The following ADCY9 variants were observed in gnomAD, a reference collection of about 807,000 sequenced individuals.
ADCY9 encodes adenylate cyclase 9, also known as adenylate cyclase type 9.
In ADCY9, 50 loss-of-function variants were observed where a neutral mutation model predicts 101.5. That is an observed-to-expected ratio of 0.49 (90% CI 0.39 to 0.62). The LOEUF (loss-of-function observed/expected upper bound fraction) is 0.62, where lower values mean the gene tolerates loss of function less well. Among genes scored for constraint, ADCY9 ranks in the 20% least tolerant of loss-of-function variants. The pLI is 0.00. For missense variants in ADCY9, 1,662 were observed against 1,800.4 expected, an observed-to-expected ratio of 0.92 and a Z score of 1.39; for synonymous variants, 905 against 769.3, an observed-to-expected ratio of 1.18 and a Z score of -2.92.
intron 2 of ADCY9, among the ~76,000 whole-genome samples, chr16:4,050,612 G>C (rs1230188935): frequency 6.7e-6 from 1 of 149,848 alleles, no homozygotes; most frequent in Non-Finnish European, 1.5e-5. Context: ...TACTAGGGAG[G>C]CTGAGGCAGG....
intron 2 of ADCY9, among the ~76,000 whole-genome samples, chr16:4,103,665 A>T (rs975403059): frequency 6.6e-6 from 1 of 152,132 alleles, no homozygotes; most frequent in Non-Finnish European, 1.5e-5. Flanking sequence ...CCCCGTCTCT[A>T]CCATAAAGAC....
At chr16:4,061,163 A>T (rs2141160529) in intron 2 of ADCY9, among the ~76,000 whole-genome samples, 1 of 152,168 alleles carries the variant, frequency 6.6e-6, no homozygotes, top group East Asian at 1.9e-4. Context: ...ATCCAATCTG[A>T]AGAAGAAATA....
chr16:4,044,631 A>C (rs1046562013), intron 2 of ADCY9, among the ~76,000 whole-genome samples: 2 of 152,174 alleles, frequency 1.3e-5, no homozygotes, highest in African/African-American at 4.8e-5. Context: ...GAGCCACTTT[A>C]ATGTATATCA....
chr16:4,005,552 A>C (rs1196024539), intron 3 of ADCY9, among the ~76,000 whole-genome samples: 1 of 152,188 alleles, frequency 6.6e-6, no homozygotes, highest in Non-Finnish European at 1.5e-5. Flanking sequence ...ATAGATCACA[A>C]GATTCTCAGA....
intron 7 of ADCY9, among the ~76,000 whole-genome samples, chr16:3,979,864 C>T (rs949961650): frequency 3.3e-5 from 5 of 152,254 alleles, no homozygotes; most frequent in African/African-American, 1.2e-4. Flanking sequence ...CATCTTAGCC[C>T]AGAGGCTGTG....
rs868140849 is a variant in ADCY9, at chr16:4,045,875, T to C, written c.1694-38317A>G. ...CACCATGCTTTTTTTCTTTCTTTTT[T>C]TTTTTTTTTTTTTTTGTAGAGATGA... is the stretch of plus-strand genomic sequence containing the variant. On this transcript the variant is annotated intron_variant, in intron 2 of 10. Coordinates refer to ENST00000294016, the MANE Select transcript of ADCY9 (RefSeq NM_001116.4). Among the ~76,000 whole-genome samples, 160 of 127,270 alleles carry C rather than the reference T, an allele frequency of 1.3e-3. 1 individual carries two copies. The highest frequency in any genetic ancestry group is 8.8e-3 in the South Asian group (38 of 4,342). 83.5% of individuals were successfully genotyped at this position (127,270 alleles called of 152,430 possible).
At chr16:4,000,676 G>A (rs1213385797) in intron 3 of ADCY9, among the ~76,000 whole-genome samples, 1 of 151,868 alleles carries the variant, frequency 6.6e-6, no homozygotes, top group Non-Finnish European at 1.5e-5. Flanking sequence ...CAATCTCAGA[G>A]CCACACGGGG....
At chr16:4,112,323 C>T (rs1337567107) in intron 2 of ADCY9, among the ~76,000 whole-genome samples, 1 of 152,166 alleles carries the variant, frequency 6.6e-6, no homozygotes, top group African/African-American at 2.4e-5. Flanking sequence ...GGGGAATTCT[C>T]GGGTGAAAAT....
chr16:4,035,310 T>G (rs1019030891), intron 2 of ADCY9, among the ~76,000 whole-genome samples: 1 of 152,232 alleles, frequency 6.6e-6, no homozygotes, highest in Non-Finnish European at 1.5e-5. Flanking sequence ...ACTTATGCAT[T>G]GCAGAACTGC....
At chr16:3,983,484 G>A (rs2056163895) in intron 6 of ADCY9, 44 bp from the exon 7 acceptor site, 1 of 1,504,580 alleles carries the variant, frequency 6.6e-7, no homozygotes, top group East Asian at 2.4e-5. Context: ...GAGGCCATGG[G>A]CGGCCAGGAG....
At chr16:4,040,813 C>G (rs908142755) in intron 2 of ADCY9, among the ~76,000 whole-genome samples, 1 of 152,138 alleles carries the variant, frequency 6.6e-6, no homozygotes, top group Non-Finnish European at 1.5e-5. Context: ...AATAAAGTAT[C>G]TACACGAGTC....
At chr16:4,105,043 T>C (rs541973688) in intron 2 of ADCY9, among the ~76,000 whole-genome samples, 1 of 128,078 alleles carries the variant, frequency 7.8e-6, no homozygotes, top group African/African-American at 3.0e-5. Flanking sequence ...CACTCCAATG[T>C]GGGCAACAAG....
At chr16:4,094,947 A>C (rs923041718) in intron 2 of ADCY9, among the ~76,000 whole-genome samples, 1 of 152,144 alleles carries the variant, frequency 6.6e-6, no homozygotes, top group African/African-American at 2.4e-5. Context: ...AAATCATTCA[A>C]AACTTTTTAT....
intron 2 of ADCY9, among the ~76,000 whole-genome samples, chr16:4,011,102 C>T (rs887244): frequency 0.056 from 8,561 of 152,098 alleles, 441 homozygotes; most frequent in African/African-American, 0.14. Flanking sequence ...ACCCTCCACA[C>T]GGAGAACTGA....
rs1025097452 is a variant in ADCY9 at position 4,026,923 on chromosome 16, G to C, written c.1694-19365C>G. Among the ~76,000 whole-genome samples, 7 of 152,286 alleles carry C rather than the reference G, an allele frequency of 4.6e-5. No homozygotes were observed. In the East Asian group the frequency reaches 1.4e-3, roughly 29 times the overall value. Reference sequence around the variant, plus strand: ...ATACCCAGGTAACAAAAGGATCAGAGGCTACTACTCCCTTTGCACCTCGTG... The same window carrying C: ...ATACCCAGGTAACAAAAGGATCAGACGCTACTACTCCCTTTGCACCTCGTG... On this transcript the variant is annotated intron_variant, in intron 2 of 10. Coordinates refer to ENST00000294016, the MANE Select transcript of ADCY9 (RefSeq NM_001116.4).
At chr16:4,035,167 A>C (rs2056581010) in intron 2 of ADCY9, among the ~76,000 whole-genome samples, 1 of 152,112 alleles carries the variant, frequency 6.6e-6, no homozygotes, top group Non-Finnish European at 1.5e-5. Flanking sequence ...GAATGTGATA[A>C]TTGCTTTGGG....
In ADCY9 at chr16:3,993,406, C is replaced by T. The variant is rs1286811147; in HGVS notation, c.1989G>A (p.Lys663=). The T allele has an allele frequency of 6.2e-7, 1 of 1,613,892 alleles. No homozygotes were observed. Among genetic ancestry groups the T allele is most frequent in the Admixed American group, 1.7e-5 (1 of 60,020 alleles). Residue 663 remains lysine, a splice_region_variant and synonymous_variant, in exon 4 of 11, where the codon AAG becomes AAA. Transcript: ENST00000294016. ...GCQDEHKNST[K]ASGGPNPKTQ... ...GGAACAACAGCCATGAGCTTGTTAC[C>T]TTGGTGCTGTTTTTATGCTCGTCTT...
At position 3,966,327 on chromosome 16, in the gene ADCY9, C is replaced by T. The variant is rs139727267; in HGVS notation, c.3510G>A (p.Gly1170=). Residue 1170 remains glycine (G), a synonymous_variant, in exon 11 of 11, where the codon GGG becomes GGA. Transcript: ENST00000294016. ...TGCCGATGACCCCGGCCGTGAGGGG[C>T]CCATGGTTGAAGCCGACGCGGAGCT... ...NFKLRVGFNH[G]PLTAGVIGTT... 7 of 1,614,102 alleles carry T rather than the reference C, an allele frequency of 4.3e-6. No individual in the cohort carries two copies. Among genetic ancestry groups the T allele is most frequent in the Admixed American group, 1.7e-5 (1 of 60,026 alleles).
chr16:4,031,451 A>G (rs577270628), intron 2 of ADCY9, among the ~76,000 whole-genome samples: 5 of 152,388 alleles, frequency 3.3e-5, no homozygotes, highest in African/African-American at 9.6e-5. Flanking sequence ...ATTCACACAT[A>G]CATATATACA....
Sources: gnomAD v4.1 joint callset for allele counts (sites outside exome capture counted in the v4.1 genomes callset) on GRCh38, gnomAD v4.1.1 for gene constraint, MANE v1.5 for transcripts, NCBI Gene and HGNC (gene_info 2026-07-23, HGNC 2026-07-21) for gene names.